The following HTR4 variants were observed in gnomAD, a reference collection of about 807,000 sequenced individuals.
HTR4 encodes the protein 5-hydroxytryptamine (serotonin) receptor 4, G protein-coupled.
In HTR4, 16 loss-of-function variants were observed where a neutral mutation model predicts 36.8. The observed-to-expected ratio is 0.43, with a 90% CI of 0.29 to 0.66. The LOEUF is 0.66. HTR4 is among the 30% of genes least tolerant of loss of function. HTR4 has a pLI of 0.13. For synonymous variants in HTR4, 189 were observed against 185.1 expected (o/e 1.02, Z -0.17); for missense variants, 438 against 490.9 (o/e 0.89, Z 1.02).
chr5:148,568,554 A>G (rs574704438), intron 2 of HTR4, among the ~76,000 whole-genome samples: 2 of 152,120 alleles, frequency 1.3e-5, no homozygotes, highest in Admixed American at 1.3e-4. Context: ...CAAATTGTCC[A>G]TGAGCTTAAC....
chr5:148,537,550 G>A (rs1372354780), intron 4 of HTR4, among the ~76,000 whole-genome samples: 1 of 152,064 alleles, frequency 6.6e-6, no homozygotes, highest in East Asian at 1.9e-4. Context: ...AAATGACAAA[G>A]AGGATGCTAC....
chr5:148,526,317 G>C (rs967408935), intron 4 of HTR4, among the ~76,000 whole-genome samples: 1 of 152,170 alleles, frequency 6.6e-6, no homozygotes, highest in Non-Finnish European at 1.5e-5. Flanking sequence ...ACTTAAGTAA[G>C]AATATCTTTT....
intron 4 of HTR4, among the ~76,000 whole-genome samples, chr5:148,541,472 T>C (rs959551464): frequency 6.6e-6 from 1 of 152,146 alleles, no homozygotes; most frequent in African/African-American, 2.4e-5. Flanking sequence ...AATAAGAAAC[T>C]TCTATTAACC....
At chr5:148,595,436 T>C (rs1761730335) in intron 2 of HTR4, among the ~76,000 whole-genome samples, 1 of 152,130 alleles carries the variant, frequency 6.6e-6, no homozygotes, top group Non-Finnish European at 1.5e-5. Context: ...TTTTCCCATG[T>C]CATCTGCTTC....
At position 148,482,980 on chromosome 5, in the gene HTR4, G is replaced by T; in HGVS notation, c.*223C>A. ...AGAGAATCTGGGAAGAGGGAGTGTTGGGAAATAAAAAGTGAACAAGGAGGC... is the reference window on the plus strand; with the variant it reads ...AGAGAATCTGGGAAGAGGGAGTGTTTGGAAATAAAAAGTGAACAAGGAGGC... On this transcript the variant is annotated 3_prime_UTR_variant, in exon 7 of 7. Coordinates refer to ENST00000377888, the MANE Select transcript of HTR4 (RefSeq NM_000870.7). The T allele has an allele frequency of 7.1e-7, 1 of 1,410,570 alleles. No individual in the cohort carries two copies. The highest frequency in any genetic ancestry group is 9.3e-7 in the Non-Finnish European group (1 of 1,080,822). The allele number at this position is 1,410,570 out of a possible 1,614,324, so 87.4% of individuals were successfully genotyped here.
At chr5:148,566,817 A>T (rs1327891770) in intron 2 of HTR4, among the ~76,000 whole-genome samples, 2 of 152,106 alleles carry the variant, frequency 1.3e-5, no homozygotes, top group Non-Finnish European at 2.9e-5. Context: ...ATATGACTCC[A>T]TATATTAATA....
At chr5:148,462,950 G>T (rs1489770330) in intron 5 of HTR4, among the ~76,000 whole-genome samples, 1 of 151,898 alleles carries the variant, frequency 6.6e-6, no homozygotes, top group Non-Finnish European at 1.5e-5. Context: ...ATTTGACAAA[G>T]TGTAACCTCA....
rs1232588407 is a variant in HTR4, at chr5:148,483,094, G to T, written c.*109C>A. ...CACCGGGTTCCTGCACTGGCGGACG[G>T]AAAGCCTCAGGTGAAGAGAATACCG... On this transcript the variant is annotated 3_prime_UTR_variant, in exon 7 of 7. Coordinates refer to ENST00000377888, the MANE Select transcript of HTR4 (RefSeq NM_000870.7). 1.3e-6 allele frequency: 2 copies of T among 1,533,888 alleles called. No homozygotes were observed. Among genetic ancestry groups the T allele is most frequent in the Non-Finnish European group, 1.8e-6 (2 of 1,136,222 alleles).
chr5:148,644,682 A>G (rs1753829612), intron 1 of HTR4: 1 of 152,136 alleles, frequency 6.6e-6, no homozygotes, highest in South Asian at 2.1e-4. Context: ...GAATTCTTCC[A>G]GACAAGGGGA....
intron 4 of HTR4, among the ~76,000 whole-genome samples, chr5:148,529,995 A>G (rs189181553): frequency 1.1e-3 from 160 of 152,268 alleles, no homozygotes; most frequent in African/African-American, 3.8e-3. Flanking sequence ...TATCTGATGG[A>G]AGAAATTTCC....
chr5:148,642,134 T>C (rs1360773325), intron 1 of HTR4, among the ~76,000 whole-genome samples: 1 of 152,208 alleles, frequency 6.6e-6, no homozygotes, highest in Non-Finnish European at 1.5e-5. Flanking sequence ...TCAAAAGACA[T>C]ATCCCAATAC....
At chr5:148,548,431 C>T (rs534803450) in intron 4 of HTR4, among the ~76,000 whole-genome samples, 110 of 152,260 alleles carry the variant, frequency 7.2e-4, no homozygotes, top group African/African-American at 2.5e-3. Context: ...AGATTGCAAT[C>T]TCCTTGCAGA....
chr5:148,458,654 AG>A (rs904401338), intron 5 of HTR4, among the ~76,000 whole-genome samples: 227 of 152,302 alleles, frequency 1.5e-3, no homozygotes, highest in African/African-American at 5.2e-3. Context: ...GGGAGGATGC[AG>A]GCAAAAGGAC....
At chr5:148,623,573 T>C (rs1241192930) in intron 2 of HTR4, among the ~76,000 whole-genome samples, 1 of 152,156 alleles carries the variant, frequency 6.6e-6, no homozygotes. Flanking sequence ...CACTGATATA[T>C]GTAATAATCT....
chr5:148,553,015 C>T (rs1759772890), intron 2 of HTR4, among the ~76,000 whole-genome samples: 1 of 152,194 alleles, frequency 6.6e-6, no homozygotes. Flanking sequence ...AAGCTACTTG[C>T]AGCTATCTGA....
chr5:148,478,017 T>C (rs1486923880), downstream of HTR4, among the ~76,000 whole-genome samples: 1 of 152,186 alleles, frequency 6.6e-6, no homozygotes, highest in African/African-American at 2.4e-5. Flanking sequence ...TATCTAAACT[T>C]GCCTTATTCA....
intron 5 of HTR4, among the ~76,000 whole-genome samples, chr5:148,454,079 T>A (rs888058156): frequency 3.3e-5 from 5 of 152,224 alleles, no homozygotes; most frequent in South Asian, 2.1e-4. Context: ...AGGGCTGCGT[T>A]ATGCAGAATA....
intron 2 of HTR4, among the ~76,000 whole-genome samples, chr5:148,555,970 ACTCT>A (rs1317889300): frequency 6.8e-5 from 10 of 146,532 alleles, no homozygotes; most frequent in Admixed American, 1.5e-4. Flanking sequence ...ACACACACAC[ACTCT>A]CTCTCTCTCT....
At chr5:148,552,218 G>C (rs2113852447) in intron 2 of HTR4, among the ~76,000 whole-genome samples, 1 of 152,278 alleles carries the variant, frequency 6.6e-6, no homozygotes, top group East Asian at 1.9e-4. Context: ...CAGCTGAGAA[G>C]TATTTTTATA....
Sources: allele counts gnomAD v4.1 joint callset (sites outside exome capture counted in the v4.1 genomes callset), GRCh38; gene constraint gnomAD v4.1.1; transcripts MANE v1.5; gene names NCBI Gene and HGNC (gene_info 2026-07-23, HGNC 2026-07-21).